The following UPF3B variants were observed in gnomAD, a reference collection of about 807,000 sequenced individuals.
The protein encoded by UPF3B is regulator of nonsense transcripts 3B.
Under a neutral mutation model 40.3 loss-of-function variants are expected in UPF3B, and 7 were observed. The ratio of observed to expected loss-of-function variants is 0.17; its 90% CI spans 0.10 to 0.33. The LOEUF (loss-of-function observed/expected upper bound fraction) is 0.33, where lower values mean the gene tolerates loss of function less well. UPF3B is among the 10% of genes least tolerant of loss of function. UPF3B has a pLI of 1.00. For synonymous variants in UPF3B, 117 were observed against 117.3 expected (o/e 1.00, Z 0.01); for missense variants, 229 against 358.9 (o/e 0.64, Z 2.93).
At chrX:119,810,932 A>C (rs976315814) in intron 5 of UPF3B, among the ~76,000 whole-genome samples, 1 of 111,983 alleles carries the variant, frequency 8.9e-6, no homozygotes, top group Admixed American at 9.5e-5. Context: ...AGAGACAAAA[A>C]TAAATAAATA....
At chrX:119,835,106 G>A in intron 10 of UPF3B, 79 bp from the exon 11 acceptor site, 4 of 1,105,358 alleles carry the variant, frequency 3.6e-6, no homozygotes, top group East Asian at 3.0e-5. Context: ...TCATAGTTAT[G>A]TATGAATATA....
downstream of UPF3B, among the ~76,000 whole-genome samples, chrX:119,829,841 C>T (rs2056018657): frequency 9.0e-6 from 1 of 111,704 alleles, no homozygotes; most frequent in African/African-American, 3.3e-5. Context: ...GCCATTCACC[C>T]CTCACTGTAA....
chrX:119,838,325 C>T, intron 9 of UPF3B, 42 bp downstream of exon 9: 1 of 1,194,823 alleles, frequency 8.4e-7, no homozygotes, highest in Non-Finnish European at 1.1e-6. Context: ...GCAAAACTAG[C>T]ATGTATAAAT....
chrX:119,849,231 C>T (rs1177382847), intron 3 of UPF3B, among the ~76,000 whole-genome samples: 1 of 111,641 alleles, frequency 9.0e-6, no homozygotes, highest in Non-Finnish European at 1.9e-5. Context: ...TGGTGGCTCA[C>T]GCCTGTAATC....
At chrX:119,827,170 CTT>C (rs1028281429) in intron 3 of UPF3B, among the ~76,000 whole-genome samples, 165 of 111,020 alleles carry the variant, frequency 1.5e-3, no homozygotes, top group Non-Finnish European at 2.6e-3. Context: ...CCTCTGACTT[CTT>C]TTTGTTTCCT....
intron 4 of UPF3B, among the ~76,000 whole-genome samples, chrX:119,817,214 C>G (rs973266408): frequency 9.0e-6 from 1 of 111,461 alleles, no homozygotes; most frequent in East Asian, 2.8e-4. Context: ...GGTGATCCAC[C>G]GGCCTTGGTA....
chrX:119,813,143 G>C (rs2147754084), intron 5 of UPF3B, among the ~76,000 whole-genome samples: 1 of 111,865 alleles, frequency 8.9e-6, no homozygotes, highest in East Asian at 2.8e-4. Flanking sequence ...AGGAAGGGCT[G>C]GCAGAATGAA....
chrX:119,841,593 G>T, intron 6 of UPF3B, 142 bp downstream of exon 6: 1 of 648,842 alleles, frequency 1.5e-6, no homozygotes, highest in Non-Finnish European at 2.5e-6. Context: ...TAGAGAGTGA[G>T]ACCAAGAAGG....
intron 8 of UPF3B, among the ~76,000 whole-genome samples, chrX:119,839,340 C>T (rs2056136306): frequency 8.9e-6 from 1 of 111,887 alleles, no homozygotes; most frequent in South Asian, 3.7e-4. Context: ...ATTATCTTGC[C>T]ATTAGAGATT....
chrX:119,823,966 T>C (rs892320547), intron 3 of UPF3B, among the ~76,000 whole-genome samples: 4 of 111,466 alleles, frequency 3.6e-5, no homozygotes, highest in Non-Finnish European at 7.5e-5. Flanking sequence ...CCTATAGTTA[T>C]TAAGGATGTG....
At chrX:119,817,821 A>G (rs1207026271) in intron 4 of UPF3B, among the ~76,000 whole-genome samples, 1 of 112,113 alleles carries the variant, frequency 8.9e-6, no homozygotes, top group Non-Finnish European at 1.9e-5. Context: ...CTTGGGTGGA[A>G]GAACGGTAAA....
At chrX:119,837,643 A>G in intron 10 of UPF3B, 114 bp downstream of exon 10, 1 of 638,390 alleles carries the variant, frequency 1.6e-6, no homozygotes, top group Non-Finnish European at 2.4e-6. Flanking sequence ...AAAGTTGCAG[A>G]TGATTAAAGT....
At chrX:119,833,150 A>G (rs2056054204), downstream of UPF3B, among the ~76,000 whole-genome samples, 1 of 111,105 alleles carries the variant, frequency 9.0e-6, no homozygotes, top group South Asian at 3.7e-4. Flanking sequence ...TGTGTTCACT[A>G]CCATAGTGTC....
At chrX:119,815,501 T>C (rs1439931294) in intron 4 of UPF3B, among the ~76,000 whole-genome samples, 1 of 111,472 alleles carries the variant, frequency 9.0e-6, no homozygotes, top group Non-Finnish European at 1.9e-5. Flanking sequence ...TTCCTAATTA[T>C]TATTTTATAA....
intron 3 of UPF3B, 39 bp downstream of exon 3, chrX:119,851,456 C>A: frequency 2.0e-6 from 2 of 1,018,425 alleles, no homozygotes; most frequent in African/African-American, 1.9e-5. Flanking sequence ...ATACAAATGA[C>A]AAAGAAATTC....
chrX:119,830,573 C>G (rs1488041773), downstream of UPF3B, among the ~76,000 whole-genome samples: 1 of 110,523 alleles, frequency 9.0e-6, no homozygotes, highest in Non-Finnish European at 1.9e-5. Context: ...TATAAACTAA[C>G]AACTCTTAGG....
At chrX:119,824,613 A>T (rs1184948827) in intron 3 of UPF3B, among the ~76,000 whole-genome samples, 4 of 110,184 alleles carry the variant, frequency 3.6e-5, no homozygotes, top group African/African-American at 1.3e-4. Flanking sequence ...TTCCATTTAC[A>T]CCTGCCTTTG....
At chrX:119,835,382 C>T (rs367670794) in intron 10 of UPF3B, among the ~76,000 whole-genome samples, 3 of 111,335 alleles carry the variant, frequency 2.7e-5, no homozygotes, top group East Asian at 5.7e-4. Context: ...ATTATAGGCA[C>T]GCACTACCAC....
chrX:119,814,677 T>C (rs1270902782), intron 5 of UPF3B, among the ~76,000 whole-genome samples: 3 of 111,763 alleles, frequency 2.7e-5, no homozygotes, highest in African/African-American at 9.7e-5. Flanking sequence ...AAGTCCTCAC[T>C]TGACATTTCC....
Sources: gnomAD v4.1 joint callset for allele counts (sites outside exome capture counted in the v4.1 genomes callset) on GRCh38, gnomAD v4.1.1 for gene constraint, MANE v1.5 for transcripts, NCBI Gene and HGNC (gene_info 2026-07-23, HGNC 2026-07-21) for gene names.